The following FRMD8 variants were observed in gnomAD, a reference collection of about 807,000 sequenced individuals.
The protein encoded by FRMD8 is FERM domain containing 8.
In FRMD8, 37 loss-of-function variants were observed where a neutral mutation model predicts 54.2. The ratio of observed to expected loss-of-function variants is 0.68; its 90% CI spans 0.53 to 0.90. The LOEUF is 0.90. Among genes scored for constraint, FRMD8 ranks in the 40% least tolerant of loss-of-function variants. FRMD8 has a pLI of 0.00. For missense variants in FRMD8, 585 were observed against 653.7 expected (o/e 0.89, Z 1.15); for synonymous variants, 246 against 286.9 (o/e 0.86, Z 1.44).
rs1261784850 is a variant in FRMD8 at position 65,412,592 on chromosome 11, G to C, written c.*1232G>C. 1.3e-5 allele frequency: 2 copies of C among 152,268 alleles called. No individual in the cohort carries two copies. Among genetic ancestry groups the C allele is most frequent in the Admixed American group, 6.5e-5 (1 of 15,280 alleles). 9.4% of individuals were successfully genotyped at this position (152,268 alleles called of 1,614,324 possible). A position where few individuals can be genotyped will look rare whatever the true frequency, so the allele number is the denominator to read the frequency against. On this transcript the variant is annotated 3_prime_UTR_variant, in exon 11 of 11. Transcript: ENST00000317568. ...CCAGCCCTGGGACCCTCCGAGGTGGGTGTGCGGGTCTCACAGGTGCTTCCT... is the reference window on the plus strand; with the variant it reads ...CCAGCCCTGGGACCCTCCGAGGTGGCTGTGCGGGTCTCACAGGTGCTTCCT...
intron 1 of FRMD8, 35 bp downstream of exon 1, chr11:65,386,796 T>A (rs1196265816): frequency 1.3e-5 from 7 of 544,476 alleles, no homozygotes; most frequent in Non-Finnish European, 1.9e-5. Context: ...CGGGCCTCCG[T>A]CCCCGGCTGG....
In FRMD8 at chr11:65,404,033, T is replaced by C. The variant is rs951478618; in HGVS notation, c.1072-831T>C. ...TGGAGAGCCCACCAGGCCTCTGCTC[T>C]TCCTTCTGGGCCGAGCAGCGGTGCC... On this transcript the variant is annotated intron_variant, in intron 9 of 10. Coordinates refer to ENST00000317568, the MANE Select transcript of FRMD8 (RefSeq NM_031904.5). This position sits in a 1 kb window ranked among gnomAD's most constrained non-coding sequence, Gnocchi z 4.7. Among the ~76,000 whole-genome samples, 3 of 152,146 alleles carry C rather than the reference T, an allele frequency of 2.0e-5. No individual in the cohort carries two copies. Among genetic ancestry groups the C allele is most frequent in the African/African-American group, 7.2e-5 (3 of 41,452 alleles).
At chr11:65,387,400 C>T in intron 2 of FRMD8, 1 of 611,978 alleles carries the variant, frequency 1.6e-6, no homozygotes, top group Non-Finnish European at 2.9e-6. Flanking sequence ...TGATGTGGTT[C>T]ATGCTTGTAA....
rs953355179 is a variant in FRMD8 at position 65,389,779 on chromosome 11, G to T, written c.253+251G>T. ...AGTGGACACGCCTGCCCCCCAGGTC[G>T]TGCTGGGACTGGGTGGTCCAGGAAC... On this transcript the variant is annotated intron_variant, in intron 3 of 10. Transcript: ENST00000317568. Among the ~76,000 whole-genome samples the T allele has an allele frequency of 5.9e-5, 9 of 152,276 alleles. No homozygotes were observed. The East Asian group carries it at 1.5e-3, about 26-fold the overall frequency.
At chr11:65,376,365 G>C in the FRMD8 span, 2 of 1,599,492 alleles carry the variant, frequency 1.3e-6, no homozygotes, top group Non-Finnish European at 1.7e-6. Flanking sequence ...CTGGCCTCCA[G>C]GCCGTGGGCC....
Position 65,411,396 on chromosome 11 carries a change from G to T in FRMD8, c.*36G>T, listed in dbSNP as rs199504802. ...CCCGGCAGGAGGAGGGCGACTGGGGGCCCTGGCCCGGCACTGTCCTCCTGA... is the reference window on the plus strand; with the variant it reads ...CCCGGCAGGAGGAGGGCGACTGGGGTCCCTGGCCCGGCACTGTCCTCCTGA... On this transcript the variant is annotated 3_prime_UTR_variant, in exon 11 of 11. Transcript: ENST00000317568. 5 of 1,427,668 alleles carry T rather than the reference G, an allele frequency of 3.5e-6. No individual in the cohort carries two copies. Among genetic ancestry groups the T allele is most frequent in the East Asian group, 2.5e-5 (1 of 39,910 alleles). The allele number at this position is 1,427,668 out of a possible 1,614,324, so 88.4% of individuals were successfully genotyped here.
chr11:65,382,086 C>T (rs1855598691), upstream of FRMD8: 1 of 792,968 alleles, frequency 1.3e-6, no homozygotes. The surrounding 1 kb of genome is among the most constrained non-coding windows in gnomAD (Gnocchi z 4.4). Flanking sequence ...TGGCCTGGTG[C>T]CCAGACCTCC....
intron 10 of FRMD8, among the ~76,000 whole-genome samples, chr11:65,408,418 T>C (rs1350667163): frequency 6.6e-6 from 1 of 151,860 alleles, no homozygotes; most frequent in Non-Finnish European, 1.5e-5. Context: ...TTTTCTACAA[T>C]GTAATTTGGA....
chr11:65,389,563 G>T, intron 3 of FRMD8, 35 bp downstream of exon 3: 1 of 1,537,806 alleles, frequency 6.5e-7, no homozygotes, highest in Non-Finnish European at 8.7e-7. Flanking sequence ...AGGCTGGAGG[G>T]TTGGAAGGGC....
chr11:65,391,601 C>T (rs990514008), intron 3 of FRMD8, among the ~76,000 whole-genome samples: 2 of 152,068 alleles, frequency 1.3e-5, no homozygotes, highest in South Asian at 4.1e-4. Context: ...ACCTCCGCCT[C>T]CTGGGTTCAA....
chr11:65,400,239 T>C lies in FRMD8; in HGVS notation c.927+380T>C, dbSNP rs1415973570. On this transcript the variant is annotated intron_variant, in intron 8 of 10. Coordinates refer to ENST00000317568, the MANE Select transcript of FRMD8 (RefSeq NM_031904.5). The surrounding 1 kb of genome is among the most constrained non-coding windows in gnomAD (Gnocchi z 4.3). ...TCTGCGTTTGGTGGCCAGCCCTGGG[T>C]AGAGAGCCGCGTCAGCAGCCAGCCC... 1.3e-5 allele frequency among the ~76,000 whole-genome samples: 2 copies of C among 152,130 alleles called. No homozygotes were observed. The highest frequency in any genetic ancestry group is 1.9e-4 in the East Asian group (1 of 5,192).
rs1856143292 is a variant in FRMD8, at chr11:65,404,333, G to T, written c.1072-531G>T. ...AAGGCCCTGTCCTTGGTGCCCAGCT[G>T]TGCCCGCTGGCACCCGGCTGCTGCA... On this transcript the variant is annotated intron_variant, in intron 9 of 10. Coordinates refer to ENST00000317568, the MANE Select transcript of FRMD8 (RefSeq NM_031904.5). The surrounding 1 kb of genome is among the most constrained non-coding windows in gnomAD (Gnocchi z 4.7). Among the ~76,000 whole-genome samples, 1 of 152,184 alleles carries T rather than the reference G, an allele frequency of 6.6e-6. No homozygotes were observed. The highest frequency in any genetic ancestry group is 6.5e-5 in the Admixed American group (1 of 15,282).
chr11:65,400,739 C>T lies in FRMD8; in HGVS notation c.943C>T (p.Leu315=). Residue 315 remains leucine, a synonymous_variant, in exon 9 of 11, where the codon CTG becomes TTG. Transcript: ENST00000317568. The surrounding 1 kb of genome is among the most constrained non-coding windows in gnomAD (Gnocchi z 4.3). ...DSREKHVLLG[L]RFQELSWDHT... ...TGCTGGCCAGCATGTCCTGCTGGGC[C>T]TGCGCTTCCAGGAGCTGTCGTGGGA... 1 of 1,598,310 alleles carries T rather than the reference C, an allele frequency of 6.3e-7. No individual in the cohort carries two copies. The highest frequency in any genetic ancestry group is 2.3e-5 in the East Asian group (1 of 44,344).
intron 6 of FRMD8, 31 bp downstream of exon 6, chr11:65,394,456 G>A (rs767251690): frequency 1.2e-5 from 19 of 1,543,682 alleles, no homozygotes; most frequent in East Asian, 4.8e-5. Flanking sequence ...AGGCGGGGGC[G>A]CTGGGTGGGG....
the FRMD8 span, among the ~76,000 whole-genome samples, chr11:65,369,527 C>G: frequency 3.8e-4 from 50 of 131,742 alleles, no homozygotes; most frequent in East Asian, 1.4e-3. Context: ...TCAGGAGTTT[C>G]AGACCATCCT....
At chr11:65,374,180 C>T in the FRMD8 span, among the ~76,000 whole-genome samples, 2 of 152,154 alleles carry the variant, frequency 1.3e-5, no homozygotes, top group Admixed American at 1.3e-4. Flanking sequence ...AGATGGCCTC[C>T]AGCCATCTGC....
intron 6 of FRMD8, 24 bp downstream of exon 6, chr11:65,394,449 C>T (rs1855907183): frequency 5.8e-6 from 9 of 1,550,634 alleles, no homozygotes; most frequent in East Asian, 2.4e-5. Flanking sequence ...TGACTTGAGG[C>T]GGGGGCGCTG....
At chr11:65,387,856 A>C (rs1855764676) in intron 2 of FRMD8, among the ~76,000 whole-genome samples, 1 of 151,798 alleles carries the variant, frequency 6.6e-6, no homozygotes, top group African/African-American at 2.4e-5. Context: ...TCTTTCTCCC[A>C]AACAGCCTTT....
chr11:65,399,983 T>TCCCA, intron 8 of FRMD8, 124 bp downstream of exon 8: 1 of 1,180,772 alleles, frequency 8.5e-7, no homozygotes, highest in Non-Finnish European at 1.2e-6. Flanking sequence ...GGAGGGACCC[T>TCCCA]GCCTCCGTTG....
Sources: allele counts gnomAD v4.1 joint callset (sites outside exome capture counted in the v4.1 genomes callset), GRCh38; gene constraint gnomAD v4.1.1; non-coding constraint Gnocchi (gnomAD v3.1); transcripts MANE v1.5; gene names NCBI Gene and HGNC (gene_info 2026-07-23, HGNC 2026-07-21).